MGAT4C: variants seen among roughly 807,000 people sequenced by gnomAD.
MGAT4C encodes the protein MGAT4 family member C, also known as alpha-1,3-mannosyl-glycoprotein 4-beta-N-acetylglucosaminyltransferase C.
A neutral mutation model predicts 40.1 loss-of-function variants in MGAT4C; 19 were observed. The ratio of observed to expected loss-of-function variants is 0.47; its 90% CI spans 0.33 to 0.70. MGAT4C has a LOEUF of 0.70. MGAT4C is among the 30% of genes least tolerant of loss of function. The pLI is 0.02. For missense variants in MGAT4C, 491 were observed against 563.2 expected, an observed-to-expected ratio of 0.87 and a Z score of 1.30; for synonymous variants, 181 against 187.1, an observed-to-expected ratio of 0.97 and a Z score of 0.27.
intron 2 of MGAT4C, among the ~76,000 whole-genome samples, chr12:86,451,692 T>A (rs780012858): frequency 3.3e-5 from 5 of 152,212 alleles, no homozygotes; most frequent in Non-Finnish European, 7.4e-5. Flanking sequence ...CATTTTATGG[T>A]CTCTGTTCTT....
chr12:86,655,586 C>T (rs1399276572), intron 2 of MGAT4C, among the ~76,000 whole-genome samples: 4 of 152,030 alleles, frequency 2.6e-5, no homozygotes, highest in Non-Finnish European at 5.9e-5. Flanking sequence ...TTTGTCCAGC[C>T]AAATGTATTT....
At chr12:86,674,847 A>G (rs910273450) in intron 2 of MGAT4C, among the ~76,000 whole-genome samples, 1 of 152,222 alleles carries the variant, frequency 6.6e-6, no homozygotes, top group East Asian at 1.9e-4. Flanking sequence ...AACATAAAAT[A>G]TACACTGAAT....
chr12:86,453,381 T>C (rs1223029848), intron 2 of MGAT4C, among the ~76,000 whole-genome samples: 1 of 152,218 alleles, frequency 6.6e-6, no homozygotes, highest in Non-Finnish European at 1.5e-5. Context: ...TATTGTTTAT[T>C]AAGTTGTTCT....
chr12:86,049,474 A>C (rs543931935), intron 2 of MGAT4C, among the ~76,000 whole-genome samples, 200 bp downstream of exon 2: 6 of 152,088 alleles, frequency 3.9e-5, no homozygotes, highest in Non-Finnish European at 8.8e-5. Context: ...GCTTGTACTC[A>C]GAAATGTTCA....
In MGAT4C at chr12:85,962,436, ATAAT is replaced by A. The variant is rs1279432653; in HGVS notation, c.*16849_*16852del. 5.4e-5 allele frequency: 8 copies of A among 147,994 alleles called. No individual in the cohort carries two copies. In the South Asian group the frequency reaches 6.3e-4, roughly 12 times the overall value. 9.2% of individuals were successfully genotyped at this position (147,994 alleles called of 1,614,324 possible). A position where few individuals can be genotyped will look rare whatever the true frequency, so the allele number is the denominator to read the frequency against. On this transcript the variant is annotated 3_prime_UTR_variant, in exon 5 of 5. Transcript: ENST00000611864. ...TAATTATATAATTATATAAAATTTTATAATTAATTATAAAATAAAATATTAACAA... is the reference window on the plus strand; with the variant it reads ...TAATTATATAATTATATAAAATTTTATAATTATAAAATAAAATATTAACAA...
chr12:86,795,602 GAGAGAGAGAGAGAA>G (rs1188601415), intron 1 of MGAT4C, among the ~76,000 whole-genome samples: 1 of 146,884 alleles, frequency 6.8e-6, no homozygotes, highest in African/African-American at 2.7e-5. Flanking sequence ...ACAGAGAAAG[GAGAGAGAGAGAGAA>G]AGAGAGAGAG....
chr12:86,265,760 T>G (rs1952769616), intron 4 of MGAT4C, among the ~76,000 whole-genome samples: 1 of 152,220 alleles, frequency 6.6e-6, no homozygotes, highest in Non-Finnish European at 1.5e-5. Context: ...GTCATTTTAA[T>G]GATATTTGTG....
rs1463946881 is a variant in MGAT4C at position 85,956,524 on chromosome 12, G to A, written c.*22765C>T. ...ACTAAAATATGGTTTTGGGACACCT[G>A]TTGGGAACATTTACAGATCATTTTT... is the stretch of plus-strand genomic sequence containing the variant. On this transcript the variant is annotated 3_prime_UTR_variant, in exon 5 of 5. Transcript: ENST00000611864. 6.6e-6 allele frequency: 1 copy of A among 152,288 alleles called. No homozygotes were observed. Among genetic ancestry groups the A allele is most frequent in the East Asian group, 1.9e-4 (1 of 5,190 alleles). The allele number at this position is 152,288 out of a possible 1,614,324, so 9.4% of individuals were successfully genotyped here.
upstream of MGAT4C, among the ~76,000 whole-genome samples, chr12:86,256,808 AG>A (rs1952533746): frequency 6.6e-6 from 1 of 152,160 alleles, no homozygotes; most frequent in South Asian, 2.1e-4. Context: ...TTACAGTACT[AG>A]CCCCTGAGAT....
chr12:86,729,931 T>C (rs1044642565), intron 1 of MGAT4C, among the ~76,000 whole-genome samples: 1 of 152,078 alleles, frequency 6.6e-6, no homozygotes, highest in Non-Finnish European at 1.5e-5. Flanking sequence ...TCAAGACAAA[T>C]TTGTAAAAAT....
At chr12:86,799,648 T>G (rs1952190812) in intron 1 of MGAT4C, among the ~76,000 whole-genome samples, 1 of 151,978 alleles carries the variant, frequency 6.6e-6, no homozygotes, top group Admixed American at 6.6e-5. Context: ...TATGTGACTT[T>G]TTTTATGGCC....
At position 86,147,425 on chromosome 12, in the gene MGAT4C, T is replaced by C. The variant is rs1883690412; in HGVS notation, c.-56-97702A>G. Among the ~76,000 whole-genome samples the C allele has an allele frequency of 1.3e-5, 2 of 152,120 alleles. 1 individual carries two copies. Among genetic ancestry groups the C allele is most frequent in the Non-Finnish European group, 2.9e-5 (2 of 67,996 alleles). ...CCCAGCTAATTTTTTGTATTTTTAGTAGAGACGGGGTTTCACCGTGTTAGC... is the reference window on the plus strand; with the variant it reads ...CCCAGCTAATTTTTTGTATTTTTAGCAGAGACGGGGTTTCACCGTGTTAGC... On this transcript the variant is annotated intron_variant, in intron 1 of 4. Transcript: ENST00000611864.
chr12:86,121,244 T>C, intron 1 of MGAT4C, among the ~76,000 whole-genome samples: 1 of 152,130 alleles, frequency 6.6e-6, no homozygotes, highest in Non-Finnish European at 1.5e-5. Flanking sequence ...TATGGGACTA[T>C]GTGAAAAGAC....
intron 2 of MGAT4C, chr12:86,028,214 G>GA (rs1341159595): frequency 1.6e-6 from 2 of 1,272,440 alleles, no homozygotes; most frequent in Non-Finnish European, 2.0e-6. Context: ...TCTGCTGATG[G>GA]AAAAAAGTTC....
chr12:86,591,749 T>G (rs2136449151), intron 2 of MGAT4C, among the ~76,000 whole-genome samples: 1 of 151,830 alleles, frequency 6.6e-6, no homozygotes, highest in East Asian at 1.9e-4. Flanking sequence ...TATTAATATA[T>G]TACCTTTTGC....
chr12:85,972,910 T>C lies in MGAT4C; in HGVS notation c.*6379A>G, dbSNP rs970163145. 6.6e-6 allele frequency: 1 copy of C among 150,978 alleles called. No homozygotes were observed. The highest frequency in any genetic ancestry group is 2.4e-5 in the African/African-American group (1 of 41,326). The allele number at this position is 150,978 out of a possible 1,614,324, so 9.4% of individuals were successfully genotyped here. A position where few individuals can be genotyped will look rare whatever the true frequency, so the allele number is the denominator to read the frequency against. On this transcript the variant is annotated 3_prime_UTR_variant, in exon 5 of 5. Coordinates refer to ENST00000611864, the MANE Select transcript of MGAT4C (RefSeq NM_001351288.2). Reference sequence around the variant, plus strand: ...ATTAAAGATGGAAAAAATAGGACTATGTCAAATAGTTAAACAAATGTGGGG... The same window carrying C: ...ATTAAAGATGGAAAAAATAGGACTACGTCAAATAGTTAAACAAATGTGGGG...
rs1884237040 is a variant in MGAT4C, at chr12:85,979,115, T to C, written c.*174A>G. 2.0e-6 allele frequency: 1 copy of C among 501,400 alleles called. No homozygotes were observed. The allele number at this position is 501,400 out of a possible 1,614,324, so 31.1% of individuals were successfully genotyped here. ...ATTCAACTTCAGACGTTAAAATAAATACAAGTGTGTATTAAGAGTAAAATT... is the reference window on the plus strand; with the variant it reads ...ATTCAACTTCAGACGTTAAAATAAACACAAGTGTGTATTAAGAGTAAAATT... On this transcript the variant is annotated 3_prime_UTR_variant, in exon 5 of 5. Transcript: ENST00000611864.
chr12:86,469,966 T>C (rs1365488270), intron 2 of MGAT4C, among the ~76,000 whole-genome samples: 1 of 152,182 alleles, frequency 6.6e-6, no homozygotes, highest in Non-Finnish European at 1.5e-5. Flanking sequence ...TAGCATAATA[T>C]CCTTTATGGT....
chr12:86,635,657 TTGTGTGTGTGTG>T (rs71309507), intron 2 of MGAT4C, among the ~76,000 whole-genome samples: 1 of 147,248 alleles, frequency 6.8e-6, no homozygotes, highest in African/African-American at 2.5e-5. Flanking sequence ...TCTATATACA[TTGTGTGTGTGTG>T]TGTGTGTGTG....
Sources: allele counts gnomAD v4.1 joint callset (sites outside exome capture counted in the v4.1 genomes callset), GRCh38; gene constraint gnomAD v4.1.1; transcripts MANE v1.5; gene names NCBI Gene and HGNC (gene_info 2026-07-23, HGNC 2026-07-21).